HELQ: variants seen among roughly 807,000 people sequenced by gnomAD.
HELQ encodes the protein helicase, POLQ like, also known as helicase POLQ-like.
HELQ carries 77 observed loss-of-function variants against 111.6 expected under a neutral mutation model. That is an observed-to-expected ratio of 0.69 (90% CI 0.57 to 0.83). HELQ has a LOEUF of 0.83. HELQ is among the 40% of genes least tolerant of loss of function. The pLI is 0.00. For missense variants in HELQ, 1,200 were observed against 1,288.5 expected, an observed-to-expected ratio of 0.93 and a Z score of 1.05; for synonymous variants, 438 against 454.7, an observed-to-expected ratio of 0.96 and a Z score of 0.47.
At chr4:83,435,350 A>G (rs1232465664) in intron 9 of HELQ, among the ~76,000 whole-genome samples, 2 of 152,176 alleles carry the variant, frequency 1.3e-5, no homozygotes, top group African/African-American at 2.4e-5. Context: ...GAAAAGAAAA[A>G]CAGAAAATCC....
intron 17 of HELQ, among the ~76,000 whole-genome samples, chr4:83,409,070 T>TAAAC (rs200149165): frequency 3.5e-4 from 53 of 151,940 alleles, no homozygotes; most frequent in African/African-American, 9.2e-4. Context: ...AAAAGGAAAT[T>TAAAC]AAACAAACAA....
intron 8 of HELQ, among the ~76,000 whole-genome samples, chr4:83,438,504 G>T (rs181077619): frequency 2.6e-5 from 4 of 152,242 alleles, no homozygotes; most frequent in Non-Finnish European, 5.9e-5. Context: ...ACTTTGGGAG[G>T]CTATGGGGGG....
chr4:83,448,731 C>T (rs1048503595), intron 3 of HELQ, 52 bp downstream of exon 3: 48 of 1,411,576 alleles, frequency 3.4e-5, no homozygotes, highest in Non-Finnish European at 4.4e-5. Context: ...CAGATCTTAA[C>T]GTCAAAGTAC....
intron 1 of HELQ, 171 bp downstream of exon 1, chr4:83,455,226 T>C: frequency 7.3e-7 from 1 of 1,369,052 alleles, no homozygotes; most frequent in Non-Finnish European, 9.7e-7. Context: ...GGGGTTTACA[T>C]TTCATATTTA....
intron 14 of HELQ, 84 bp from the exon 15 acceptor site, chr4:83,421,820 G>C: frequency 9.8e-7 from 1 of 1,017,280 alleles, no homozygotes; most frequent in Non-Finnish European, 1.5e-6. Flanking sequence ...GAAAACTGAA[G>C]TTGTATTACA....
chr4:83,425,983 GAATGTGGTA>G lies in HELQ; in HGVS notation c.2775+2_2775+10del, dbSNP rs757911705. On this transcript the variant is annotated splice_donor_variant and splice_donor_5th_base_variant and intron_variant, in intron 14 of 17. Coordinates refer to ENST00000295488, the MANE Select transcript of HELQ (RefSeq NM_133636.5). LOFTEE classifies it high-confidence loss of function. ...AACTTATTATTTAGGAAGAAAAAAA[GAATGTGGTA>G]CCTTTCCGATGGCTTGGCCTGATGC... 6.8e-7 allele frequency: 1 copy of G among 1,475,664 alleles called. No homozygotes were observed. The highest frequency in any genetic ancestry group is 1.8e-5 in the Admixed American group (1 of 55,732). 91.4% of individuals were successfully genotyped at this position (1,475,664 alleles called of 1,614,324 possible). A position where few individuals can be genotyped will look rare whatever the true frequency, so the allele number is the denominator to read the frequency against.
intron 14 of HELQ, among the ~76,000 whole-genome samples, chr4:83,425,330 C>G (rs1263567214): frequency 7.2e-6 from 1 of 139,626 alleles, no homozygotes; most frequent in Non-Finnish European, 1.5e-5. Context: ...AACTAGGTTT[C>G]AATGTAAATT....
chr4:83,429,529 A>T lies in HELQ; in HGVS notation c.2513T>A (p.Phe838Tyr). 1 of 1,584,708 alleles carries T rather than the reference A, an allele frequency of 6.3e-7. No individual in the cohort carries two copies. Among genetic ancestry groups the T allele is most frequent in the Middle Eastern group, 2.2e-4 (1 of 4,608 alleles). ...AGATTTAGGTAAACTCTTACCCTTA[A>T]ATGAAGCACGTCCCAACTTTGTAAT... is the stretch of plus-strand genomic sequence containing the variant. ...FHITKLGRAS[F>Y]KGTIDLAYCD... Residue 838 changes from phenylalanine (F) to tyrosine (Y), a missense_variant, in exon 12 of 18, where the codon TTT becomes TAT. Phe to Tyr is a conservative substitution (Grantham distance 22). Coordinates refer to ENST00000295488, the MANE Select transcript of HELQ (RefSeq NM_133636.5).
intron 5 of HELQ, among the ~76,000 whole-genome samples, chr4:83,445,198 T>C (rs1260014011): frequency 6.6e-6 from 1 of 152,166 alleles, no homozygotes; most frequent in Non-Finnish European, 1.5e-5. Flanking sequence ...AAGCCTTAGT[T>C]AGGCTTAGCT....
chr4:83,453,781 T>G lies in HELQ; in HGVS notation c.462A>C (p.Lys154Asn), dbSNP rs1560562304. 6.2e-7 allele frequency: 1 copy of G among 1,614,218 alleles called. No individual in the cohort carries two copies. The highest frequency in any genetic ancestry group is 1.1e-5 in the South Asian group (1 of 91,078). Residue 154 changes from lysine to asparagine, a missense_variant, in exon 2 of 18, where the codon AAA becomes AAC. Lys to Asn is a moderately conservative substitution (Grantham distance 94). This residue lies in a region of HELQ where 610 missense variants were observed against 607.1 expected (regional missense o/e 1.00). Transcript: ENST00000295488. ...ATENLCSESI[K>N]NKLSITTIGN... ...CTATGGTAGTAATGCTGAGTTTGTT[T>G]TTGATACTTTCCGAGCAAAGATTTT...
At chr4:83,443,111 C>T (rs1443236671) in intron 6 of HELQ, among the ~76,000 whole-genome samples, 1 of 151,846 alleles carries the variant, frequency 6.6e-6, no homozygotes, top group East Asian at 1.9e-4. Context: ...ATTATAACTA[C>T]TAACATATAA....
chr4:83,441,476 A>G (rs1480448742), intron 6 of HELQ, 73 bp from the exon 7 acceptor site: 1 of 707,550 alleles, frequency 1.4e-6, no homozygotes, highest in Non-Finnish European at 2.4e-6. Flanking sequence ...ATATTGTAAA[A>G]TAGGTTAAGA....
chr4:83,425,990 G>A lies in HELQ; in HGVS notation c.2775+4C>T. 1 of 1,516,780 alleles carries A rather than the reference G, an allele frequency of 6.6e-7. No individual in the cohort carries two copies. Among genetic ancestry groups the A allele is most frequent in the Non-Finnish European group, 9.1e-7 (1 of 1,096,358 alleles). The allele number at this position is 1,516,780 out of a possible 1,614,324, so 94.0% of individuals were successfully genotyped here. ...TATTTAGGAAGAAAAAAAGAATGTG[G>A]TACCTTTCCGATGGCTTGGCCTGAT... On this transcript the variant is annotated splice_donor_region_variant and intron_variant, in intron 14 of 17. Transcript: ENST00000295488.
At chr4:83,429,455 A>G in intron 12 of HELQ, 69 bp downstream of exon 12, 1 of 1,187,492 alleles carries the variant, frequency 8.4e-7, no homozygotes, top group Non-Finnish European at 1.2e-6. Context: ...AGCTTAAAGA[A>G]AGTATAATTT....
At position 83,448,882 on chromosome 4, in the gene HELQ, T is replaced by C; in HGVS notation, c.1092A>G (p.Gly364=). 1 of 1,613,672 alleles carries C rather than the reference T, an allele frequency of 6.2e-7. No individual in the cohort carries two copies. Among genetic ancestry groups the C allele is most frequent in the Non-Finnish European group, 8.5e-7 (1 of 1,179,620 alleles). ...NLIYSLPTSG[G]KTLVAEILML... is the part of the protein sequence containing the mutation. ...TTAAAATCTCAGCCACGAGGGTTTT[T>C]CCACCACTTGTTGGCAAGGAATATA... The change falls in exon 3 of 18, where the codon GGA becomes GGG. Residue 364 remains glycine (G), a synonymous_variant. Transcript: ENST00000295488.
Position 83,431,751 on chromosome 4 carries a change from A to G in HELQ, c.2208T>C (p.Thr736=), listed in dbSNP as rs1221975308. 5 of 1,510,570 alleles carry G rather than the reference A, an allele frequency of 3.3e-6. 1 individual carries two copies. In the South Asian group the frequency reaches 5.2e-5, roughly 16 times the overall value. The allele number at this position is 1,510,570 out of a possible 1,614,324, so 93.6% of individuals were successfully genotyped here. A position where few individuals can be genotyped will look rare whatever the true frequency, so the allele number is the denominator to read the frequency against. The change falls in exon 11 of 18, where the codon ACT becomes ACC. Residue 736 remains threonine, a synonymous_variant. Coordinates refer to ENST00000295488, the MANE Select transcript of HELQ (RefSeq NM_133636.5). ...KDKQQVLELI[T]KPLENCYSHL... The stretch of plus-strand genomic sequence containing the variant: ...GGCTGTAACAGTTTTCCAATGGTTT[A>G]GTTATTAACTCCAATACCTATAAAG...
At chr4:83,425,684 G>C (rs1719812978) in intron 14 of HELQ, among the ~76,000 whole-genome samples, 1 of 152,128 alleles carries the variant, frequency 6.6e-6, no homozygotes. Flanking sequence ...GCCTAATATA[G>C]TTTCTAGAAA....
At position 83,407,451 on chromosome 4, in the gene HELQ, C is replaced by T. The variant is rs1308971225; in HGVS notation, c.*2G>A. ...ATATATGAAAATTCTCATCAGATAG[C>T]TTCATGCTTTGTCAGTGGAAGAAGC... is the stretch of plus-strand genomic sequence containing the variant. On this transcript the variant is annotated 3_prime_UTR_variant, in exon 18 of 18. Coordinates refer to ENST00000295488, the MANE Select transcript of HELQ (RefSeq NM_133636.5). 2 of 1,581,046 alleles carry T rather than the reference C, an allele frequency of 1.3e-6. No individual in the cohort carries two copies. The highest frequency in any genetic ancestry group is 1.7e-6 in the Non-Finnish European group (2 of 1,159,386).
intron 3 of HELQ, 96 bp from the exon 4 acceptor site, chr4:83,447,131 T>C (rs1721094402): frequency 1.3e-6 from 1 of 798,102 alleles, no homozygotes; most frequent in Non-Finnish European, 2.0e-6. Context: ...GAAGATCACT[T>C]GAGCCCAGGA....
Sources: allele counts gnomAD v4.1 joint callset (sites outside exome capture counted in the v4.1 genomes callset), GRCh38; gene constraint gnomAD v4.1.1; regional missense constraint gnomAD v4.1.1; transcripts MANE v1.5; gene names NCBI Gene and HGNC (gene_info 2026-07-23, HGNC 2026-07-21).